Variants in PRMT8 observed in about 807,000 individuals in gnomAD.
PRMT8 encodes the protein protein arginine methyltransferase 8.
In PRMT8, 7 loss-of-function variants were observed where a neutral mutation model predicts 47.1. The observed-to-expected ratio is 0.15, with a 90% CI of 0.08 to 0.28. PRMT8 has a LOEUF of 0.28. PRMT8 is among the 10% of genes least tolerant of loss of function. PRMT8 has a pLI of 1.00. For synonymous variants in PRMT8, 188 were observed against 186.5 expected (o/e 1.01, Z -0.07); for missense variants, 237 against 505.4 (o/e 0.47, Z 5.09).
At chr12:3,541,067 C>T (rs561855641) in intron 2 of PRMT8, among the ~76,000 whole-genome samples, 2 of 152,326 alleles carry the variant, frequency 1.3e-5, no homozygotes, top group Non-Finnish European at 2.9e-5. Flanking sequence ...TACATTCCAG[C>T]TCCCGTGTCT....
chr12:3,399,169 C>T (rs1864293372), intron 1 of PRMT8, among the ~76,000 whole-genome samples: 1 of 152,194 alleles, frequency 6.6e-6, no homozygotes, highest in East Asian at 1.9e-4. Flanking sequence ...GAGCACTGCT[C>T]ACTAGTGTGT....
intron 1 of PRMT8, among the ~76,000 whole-genome samples, chr12:3,395,095 T>A (rs1388171663): frequency 6.7e-6 from 1 of 150,022 alleles, no homozygotes; most frequent in African/African-American, 2.5e-5. Context: ...ATTTGATTCT[T>A]CTCGCTTTTT....
At chr12:3,413,088 T>C (rs1007797752) in intron 1 of PRMT8, among the ~76,000 whole-genome samples, 9 of 152,214 alleles carry the variant, frequency 5.9e-5, no homozygotes, top group African/African-American at 2.2e-4. Context: ...CCAGAAAGTA[T>C]ATACGCTTGC....
intron 1 of PRMT8, among the ~76,000 whole-genome samples, chr12:3,479,176 C>G (rs1210698166): frequency 6.6e-6 from 1 of 152,214 alleles, no homozygotes; most frequent in Non-Finnish European, 1.5e-5. Context: ...AAATTTCTGT[C>G]CTCTGCCTAA....
chr12:3,386,867 G>A (rs1318607359), intron 1 of PRMT8, among the ~76,000 whole-genome samples: 1 of 151,864 alleles, frequency 6.6e-6, no homozygotes, highest in African/African-American at 2.4e-5. Context: ...CTGCCACCAC[G>A]CCTGGCTAAT....
intron 8 of PRMT8, among the ~76,000 whole-genome samples, chr12:3,589,064 T>C (rs929802134): frequency 1.3e-5 from 2 of 152,238 alleles, no homozygotes; most frequent in East Asian, 1.9e-4. Flanking sequence ...GATGGACTAA[T>C]AAAATCATAT....
At chr12:3,579,401 G>T (rs1304712955) in intron 7 of PRMT8, among the ~76,000 whole-genome samples, 1 of 152,120 alleles carries the variant, frequency 6.6e-6, no homozygotes, top group Non-Finnish European at 1.5e-5. Context: ...AACTAGCAGG[G>T]GCCTTTCAGT....
Position 3,576,323 on chromosome 12 carries a change from T to C in PRMT8, c.713-548T>C, listed in dbSNP as rs146656471. ...ATTTGTACAAAGGCTGACCAGTAAG[T>C]GGTGGTGCTGGAATTTAAACTGTAG... On this transcript the variant is annotated intron_variant, in intron 6 of 9. Transcript: ENST00000382622. The surrounding 1 kb of genome is among the most constrained non-coding windows in gnomAD (Gnocchi z 4.0). Among the ~76,000 whole-genome samples the C allele has an allele frequency of 5.2e-3, 785 of 152,216 alleles. 3 individuals are homozygous for C. The highest frequency in any genetic ancestry group is 0.017 in the African/African-American group (722 of 41,532).
intron 1 of PRMT8, among the ~76,000 whole-genome samples, chr12:3,533,463 T>G (rs1054927339): frequency 6.6e-6 from 1 of 152,250 alleles, no homozygotes; most frequent in African/African-American, 2.4e-5. Context: ...TTTTTATTTT[T>G]TAGCTCATCA....
At chr12:3,531,391 C>A (rs1393998570) in intron 1 of PRMT8, among the ~76,000 whole-genome samples, 1 of 152,200 alleles carries the variant, frequency 6.6e-6, no homozygotes, top group African/African-American at 2.4e-5. Flanking sequence ...AACTTGACAT[C>A]TCTTGCAGCC....
At chr12:3,494,880 C>A (rs1591570550) in intron 1 of PRMT8, among the ~76,000 whole-genome samples, 1 of 152,260 alleles carries the variant, frequency 6.6e-6, no homozygotes, top group East Asian at 1.9e-4. Context: ...TGGAATAGGG[C>A]AGGTATGGGT....
chr12:3,394,145 GT>G (rs1864223574), intron 1 of PRMT8, among the ~76,000 whole-genome samples: 1 of 149,778 alleles, frequency 6.7e-6, no homozygotes, highest in Admixed American at 6.7e-5. Flanking sequence ...ATACAATCAT[GT>G]CCTCTGCAAA....
chr12:3,457,336 G>T (rs1433466089), intron 1 of PRMT8, among the ~76,000 whole-genome samples: 2 of 152,146 alleles, frequency 1.3e-5, no homozygotes, highest in Non-Finnish European at 2.9e-5. Flanking sequence ...TATAGACAGG[G>T]TCTCACTTTG....
At position 3,583,078 on chromosome 12, in the gene PRMT8, G is replaced by A; in HGVS notation, c.849G>A (p.Val283=). The change falls in exon 8 of 10, where the codon GTG becomes GTA. Residue 283 remains valine, a synonymous_variant. Coordinates refer to ENST00000382622, the MANE Select transcript of PRMT8 (RefSeq NM_019854.5). This position sits in a 1 kb window ranked among gnomAD's most constrained non-coding sequence, Gnocchi z 4.7. Reference sequence around the variant, plus strand: ...TGCAGGAGGTGGACATTTACACAGTGAAGACGGAAGAGCTATCGTTCACAT... The same window carrying A: ...TGCAGGAGGTGGACATTTACACAGTAAAGACGGAAGAGCTATCGTTCACAT... ...CLIKEVDIYT[V]KTEELSFTSA... The A allele has an allele frequency of 6.2e-7, 1 of 1,614,020 alleles. No homozygotes were observed. Among genetic ancestry groups the A allele is most frequent in the Non-Finnish European group, 8.5e-7 (1 of 1,179,980 alleles).
intron 1 of PRMT8, among the ~76,000 whole-genome samples, chr12:3,406,947 G>A (rs1402865219): frequency 6.6e-6 from 1 of 152,142 alleles, no homozygotes; most frequent in African/African-American, 2.4e-5. Context: ...ACCAATTACT[G>A]TATTAGTTTG....
intron 8 of PRMT8, among the ~76,000 whole-genome samples, chr12:3,587,029 C>T (rs1243565885): frequency 2.6e-5 from 4 of 152,162 alleles, no homozygotes; most frequent in East Asian, 1.9e-4. Flanking sequence ...TATACTCAGA[C>T]CATCTATATT....
intron 1 of PRMT8, among the ~76,000 whole-genome samples, chr12:3,415,694 A>G (rs968422256): frequency 6.6e-6 from 1 of 152,266 alleles, no homozygotes; most frequent in Non-Finnish European, 1.5e-5. Flanking sequence ...AGGTGGGGCT[A>G]CAGAGAGATG....
intron 1 of PRMT8, among the ~76,000 whole-genome samples, chr12:3,385,526 A>G (rs1397624860): frequency 6.6e-6 from 1 of 152,180 alleles, no homozygotes; most frequent in African/African-American, 2.4e-5. Context: ...GAAAAGCATG[A>G]TTTAGCCATA....
chr12:3,455,438 G>A (rs538365725), intron 1 of PRMT8, among the ~76,000 whole-genome samples: 6 of 152,106 alleles, frequency 3.9e-5, no homozygotes, highest in Admixed American at 2.6e-4. Flanking sequence ...TGCTTCAGGC[G>A]TCGATGCTGC....
Sources: allele counts gnomAD v4.1 joint callset (sites outside exome capture counted in the v4.1 genomes callset), GRCh38; gene constraint gnomAD v4.1.1; non-coding constraint Gnocchi (gnomAD v3.1); transcripts MANE v1.5; gene names NCBI Gene and HGNC (gene_info 2026-07-23, HGNC 2026-07-21).